The following WARS2 variants were observed in gnomAD, a reference collection of about 807,000 sequenced individuals.
The protein encoded by WARS2 is tryptophan--tRNA ligase, mitochondrial.
WARS2 carries 28 observed loss-of-function variants against 36.5 expected under a neutral mutation model. That is an observed-to-expected ratio of 0.77 (90% CI 0.57 to 1.05). The LOEUF is 1.05. Among genes scored for constraint, WARS2 ranks in the 50% least tolerant of loss-of-function variants. The pLI, the probability that WARS2 is intolerant of heterozygous loss-of-function variation, is 0.00. For missense variants in WARS2, 435 were observed against 456.8 expected, an observed-to-expected ratio of 0.95 and a Z score of 0.44; for synonymous variants, 174 against 178.4, an observed-to-expected ratio of 0.98 and a Z score of 0.20.
chr1:119,101,014 A>C lies in WARS2; in HGVS notation c.91-24407T>G, dbSNP rs976534418. ...TGTAGGAGCTAAAATATTTGATCAT[A>C]TGGAAGTAAAGAGTGGAAAGATAGA... On this transcript the variant is annotated intron_variant, in intron 1 of 5. Coordinates refer to ENST00000235521, the MANE Select transcript of WARS2 (RefSeq NM_015836.4). Among the ~76,000 whole-genome samples the C allele has an allele frequency of 3.9e-5, 6 of 152,190 alleles. 1 individual carries two copies. The highest frequency in any genetic ancestry group is 1.4e-4 in the African/African-American group (6 of 41,464).
At chr1:119,096,425 T>C (rs935060494) in intron 1 of WARS2, among the ~76,000 whole-genome samples, 1 of 152,160 alleles carries the variant, frequency 6.6e-6, no homozygotes, top group Non-Finnish European at 1.5e-5. Flanking sequence ...ATATCCCTTT[T>C]GCAGTAAACA....
intron 1 of WARS2, among the ~76,000 whole-genome samples, chr1:119,098,723 G>C (rs1420638520): frequency 1.3e-5 from 2 of 151,340 alleles, no homozygotes; most frequent in East Asian, 2.0e-4. Flanking sequence ...ACAGGCGTGA[G>C]CCACCATGCC....
At chr1:119,070,978 T>A (rs1651261529) in intron 2 of WARS2, among the ~76,000 whole-genome samples, 1 of 151,540 alleles carries the variant, frequency 6.6e-6, no homozygotes, top group African/African-American at 2.4e-5. Context: ...AGGTCAGGAG[T>A]TCGAGACCAG....
rs373456845 is a variant in WARS2 at position 119,042,244 on chromosome 1, G to C, written c.515+20C>G. The stretch of plus-strand genomic sequence containing the variant: ...TGTCACCATGAGTATGTATAAGACT[G>C]GGCTGAACTCTCTTCTTACTTGTAC... On this transcript the variant is annotated intron_variant, in intron 4 of 5. Coordinates refer to ENST00000235521, the MANE Select transcript of WARS2 (RefSeq NM_015836.4). The C allele has an allele frequency of 6.2e-7, 1 of 1,610,986 alleles. No homozygotes were observed. The highest frequency in any genetic ancestry group is 8.5e-7 in the Non-Finnish European group (1 of 1,177,422).
chr1:119,074,717 C>T (rs1358354530), intron 2 of WARS2, among the ~76,000 whole-genome samples: 1 of 152,060 alleles, frequency 6.6e-6, no homozygotes, highest in Non-Finnish European at 1.5e-5. Flanking sequence ...ATGGACTCAA[C>T]CAAACAGCAG....
At chr1:119,139,605 T>G (rs4520456) in intron 1 of WARS2, 2 of 152,016 alleles carry the variant, frequency 1.3e-5, no homozygotes, top group Admixed American at 1.3e-4. Context: ...GCTACCTTCC[T>G]GTCTAGCGCT....
chr1:119,131,465 G>T (rs58803578), intron 1 of WARS2, among the ~76,000 whole-genome samples: 44,434 of 134,138 alleles, frequency 0.33, 8,284 homozygotes, highest in African/African-American at 0.48. Flanking sequence ...TTTGTTTTTT[G>T]TTTTTTTTTT....
intron 1 of WARS2, among the ~76,000 whole-genome samples, chr1:119,086,322 T>C (rs1174696696): frequency 6.6e-6 from 1 of 152,250 alleles, no homozygotes; most frequent in Non-Finnish European, 1.5e-5. Context: ...GCTGATTATC[T>C]GAGAACATTC....
At chr1:119,039,916 C>T (rs1648206755) in intron 4 of WARS2, among the ~76,000 whole-genome samples, 1 of 152,072 alleles carries the variant, frequency 6.6e-6, no homozygotes, top group Admixed American at 6.5e-5. Flanking sequence ...ACCATTCTAC[C>T]TGTCTACATT....
chr1:119,091,630 T>G (rs1653053903), intron 1 of WARS2, among the ~76,000 whole-genome samples: 1 of 152,230 alleles, frequency 6.6e-6, no homozygotes, highest in Non-Finnish European at 1.5e-5. Flanking sequence ...CTTGATATAC[T>G]TGTTTCATTG....
At position 119,045,060 on chromosome 1, in the gene WARS2, G is replaced by A. The variant is rs186648264; in HGVS notation, c.429+522C>T. Among the ~76,000 whole-genome samples, 1,172 of 152,310 alleles carry A rather than the reference G, an allele frequency of 7.7e-3. 16 individuals are homozygous for A. Among genetic ancestry groups the A allele is most frequent in the African/African-American group, 0.027 (1,117 of 41,568 alleles). On this transcript the variant is annotated intron_variant, in intron 3 of 5. Coordinates refer to ENST00000235521, the MANE Select transcript of WARS2 (RefSeq NM_015836.4). ...TATCCGACTGCAAAAATAAATGGAAGTAAAGTACTATGAATTATCCAATTT... is the reference window on the plus strand; with the variant it reads ...TATCCGACTGCAAAAATAAATGGAAATAAAGTACTATGAATTATCCAATTT...
intron 1 of WARS2, among the ~76,000 whole-genome samples, chr1:119,123,489 T>C (rs1655457945): frequency 6.6e-6 from 1 of 152,198 alleles, no homozygotes; most frequent in South Asian, 2.1e-4. Context: ...TGTTAATCAG[T>C]GAAGAAAAGT....
rs587641652 is a variant in WARS2, at chr1:119,134,622, A to G, written c.90+5933T>C. On this transcript the variant is annotated intron_variant, in intron 1 of 5. Transcript: ENST00000235521. Reference sequence around the variant, plus strand: ...GAACTGGAGAAAAAAAAGATAGAATATTGTCAAGAAATGGTAGAGAGAGAA... The same window carrying G: ...GAACTGGAGAAAAAAAAGATAGAATGTTGTCAAGAAATGGTAGAGAGAGAA... 1.9e-4 allele frequency among the ~76,000 whole-genome samples: 29 copies of G among 152,306 alleles called. 2 individuals are homozygous for G. The South Asian group carries it at 5.4e-3, about 28-fold the overall frequency.
chr1:119,035,754 A>G (rs530315119), intron 4 of WARS2, among the ~76,000 whole-genome samples: 1 of 152,324 alleles, frequency 6.6e-6, no homozygotes, highest in African/African-American at 2.4e-5. Context: ...GACAGTTCAC[A>G]TATCTGATCA....
At chr1:119,131,357 C>G (rs746183267) in intron 1 of WARS2, among the ~76,000 whole-genome samples, 1 of 151,622 alleles carries the variant, frequency 6.6e-6, no homozygotes, top group African/African-American at 2.4e-5. Context: ...GGAGTAGCTC[C>G]GAGGAAACTT....
At chr1:119,125,216 C>T (rs1412263613) in intron 1 of WARS2, among the ~76,000 whole-genome samples, 1 of 152,174 alleles carries the variant, frequency 6.6e-6, no homozygotes, top group African/African-American at 2.4e-5. Context: ...CTCTTCCTGG[C>T]ATCCTCTTCC....
chr1:119,050,532 T>C (rs1008192918), intron 2 of WARS2, among the ~76,000 whole-genome samples: 2 of 152,180 alleles, frequency 1.3e-5, no homozygotes, highest in Admixed American at 1.3e-4. Flanking sequence ...AAGTACTCAA[T>C]AAATATTTAA....
intron 1 of WARS2, among the ~76,000 whole-genome samples, chr1:119,109,560 C>G (rs1654482070): frequency 6.6e-6 from 1 of 151,882 alleles, no homozygotes; most frequent in African/African-American, 2.4e-5. Context: ...ATATCCCCAT[C>G]TCTTTACTTT....
intron 3 of WARS2, among the ~76,000 whole-genome samples, chr1:119,043,742 C>G (rs1648564194): frequency 1.3e-5 from 2 of 152,126 alleles, no homozygotes; most frequent in South Asian, 2.1e-4. Flanking sequence ...CAATTTATAG[C>G]CTTTTCGTAT....
Sources: gnomAD v4.1 joint callset for allele counts (sites outside exome capture counted in the v4.1 genomes callset) on GRCh38, gnomAD v4.1.1 for gene constraint, MANE v1.5 for transcripts, NCBI Gene and HGNC (gene_info 2026-07-23, HGNC 2026-07-21) for gene names.